The following TRPV4 variants were observed in gnomAD, a reference collection of about 807,000 sequenced individuals.
TRPV4 encodes the protein OSM9-like transient receptor potential channel 4.
A neutral mutation model predicts 84.1 loss-of-function variants in TRPV4; 58 were observed. The observed-to-expected ratio is 0.69, with a 90% CI of 0.56 to 0.86. The LOEUF (loss-of-function observed/expected upper bound fraction) is 0.86, where lower values mean the gene tolerates loss of function less well. Among genes scored for constraint, TRPV4 ranks in the 40% least tolerant of loss-of-function variants. The pLI is 0.00. For synonymous variants in TRPV4, 489 were observed against 500.9 expected, an observed-to-expected ratio of 0.98 and a Z score of 0.32; for missense variants, 879 against 1,181.1, an observed-to-expected ratio of 0.74 and a Z score of 3.75.
intron 12 of TRPV4, among the ~76,000 whole-genome samples, chr12:109,790,749 C>T (rs565463172): frequency 6.6e-6 from 1 of 152,078 alleles, no homozygotes; most frequent in Admixed American, 6.5e-5. Context: ...AAAGAAGTGG[C>T]GTCTATTTCC....
chr12:109,799,945 TA>T (rs1209664885), intron 5 of TRPV4, among the ~76,000 whole-genome samples: 3 of 151,526 alleles, frequency 2.0e-5, no homozygotes, highest in Admixed American at 6.6e-5. Flanking sequence ...TTTATTTATT[TA>T]TTTATTTATT....
In TRPV4 at chr12:109,787,103, G is replaced by C. The variant is rs1311606602; in HGVS notation, c.2209-266C>G. On this transcript the variant is annotated intron_variant, in intron 13 of 15. Transcript: ENST00000261740. ...AGCAGTTGCCTCTCAGTGAGGGAGG[G>C]GTAGAGACTGGGGAGAACAGGGAGC... is the stretch of plus-strand genomic sequence containing the variant. Among the ~76,000 whole-genome samples, 6 of 152,158 alleles carry C rather than the reference G, an allele frequency of 3.9e-5. No homozygotes were observed. The East Asian group carries it at 1.2e-3, about 29-fold the overall frequency.
chr12:109,812,785 T>C (rs992058546), intron 2 of TRPV4, among the ~76,000 whole-genome samples: 51 of 152,168 alleles, frequency 3.4e-4, no homozygotes, highest in African/African-American at 1.2e-3. Flanking sequence ...GGTGAGAAGA[T>C]GAAATGACAT....
intron 12 of TRPV4, among the ~76,000 whole-genome samples, chr12:109,789,130 G>A (rs1160896545): frequency 1.3e-5 from 2 of 152,100 alleles, no homozygotes; most frequent in African/African-American, 4.8e-5. Context: ...CTGCTACCGG[G>A]AGGGAAAAGG....
rs769287059 is a variant in TRPV4, at chr12:109,796,522, C to T, written c.1332+3G>A. On this transcript the variant is annotated splice_donor_region_variant and intron_variant, in intron 7 of 15. Transcript: ENST00000261740. This position sits in a 1 kb window ranked among gnomAD's most constrained non-coding sequence, Gnocchi z 4.2. ...ACACCCCATGCCCCCTCCTGGAGCC[C>T]ACCTCAATCTTGCTGTTGTACACCA... is the stretch of plus-strand genomic sequence containing the variant. 1 of 1,614,072 alleles carries T rather than the reference C, an allele frequency of 6.2e-7. No homozygotes were observed. The highest frequency in any genetic ancestry group is 1.1e-5 in the South Asian group (1 of 91,074).
In TRPV4 at chr12:109,798,250, G is replaced by A. The variant is rs1890535094; in HGVS notation, c.1152+364C>T. Among the ~76,000 whole-genome samples the A allele has an allele frequency of 6.6e-6, 1 of 152,162 alleles. No individual in the cohort carries two copies. The highest frequency in any genetic ancestry group is 2.1e-4 in the South Asian group (1 of 4,830). On this transcript the variant is annotated intron_variant, in intron 6 of 15. Coordinates refer to ENST00000261740, the MANE Select transcript of TRPV4 (RefSeq NM_021625.5). The surrounding 1 kb of genome is among the most constrained non-coding windows in gnomAD (Gnocchi z 5.0). ...GAAACCCTTCTCCAGGCCCCATGCT[G>A]CGCGGCCCAGAAAAGGGAAGGAACT...
In TRPV4 at chr12:109,814,480, G is replaced by T. The variant is rs141863643; in HGVS notation, c.317C>A (p.Ser106Ter). The T allele has an allele frequency of 1.9e-6, 3 of 1,614,024 alleles. No homozygotes were observed. In the African/African-American group the frequency reaches 4.0e-5, roughly 22 times the overall value. Reference protein sequence around the residue: ...VPGPKKAPMDSLFDYGTYRHH... With the variant: ...VPGPKKAPMD ...ACGATAGGTGCCGTAGTCAAACAGT[G>T]AGTCCATGGGTGCTTTCTTGGGCCC... The change falls in exon 2 of 16, where the codon TCA (serine) becomes TAA (stop). Residue 106 changes from serine (S) to a stop codon, truncating the protein, a stop_gained. Transcript: ENST00000261740. LOFTEE classifies it high-confidence loss of function. The surrounding 1 kb of genome is among the most constrained non-coding windows in gnomAD (Gnocchi z 5.4).
chr12:109,805,512 TAA>T (rs1030321605), intron 3 of TRPV4, among the ~76,000 whole-genome samples: 11 of 152,274 alleles, frequency 7.2e-5, no homozygotes, highest in Admixed American at 6.5e-4. Context: ...CCAGGGGCTC[TAA>T]ATTGACAATT....
rs933730321 is a variant in TRPV4, at chr12:109,815,901, C to T, written c.-31-1074G>A. On this transcript the variant is annotated intron_variant, in intron 1 of 15. Coordinates refer to ENST00000261740, the MANE Select transcript of TRPV4 (RefSeq NM_021625.5). The surrounding 1 kb of genome is among the most constrained non-coding windows in gnomAD (Gnocchi z 4.1). ...GTCTCTCTGGCTCCCGGGTCCAGTG[C>T]TTAGCCAGGAGCCAGGGCAAGGGAG... Among the ~76,000 whole-genome samples, 1 of 152,258 alleles carries T rather than the reference C, an allele frequency of 6.6e-6. No homozygotes were observed. Among genetic ancestry groups the T allele is most frequent in the African/African-American group, 2.4e-5 (1 of 41,472 alleles).
intron 7 of TRPV4, 81 bp from the exon 8 acceptor site, chr12:109,794,568 C>T: frequency 6.9e-7 from 1 of 1,448,980 alleles, no homozygotes; most frequent in Non-Finnish European, 9.6e-7. Flanking sequence ...TGTGCCTTCC[C>T]CCACCCTCCA....
Position 109,783,806 on chromosome 12 carries a change from G to T in TRPV4, c.2459-28C>A, listed in dbSNP as rs779763687. 2 of 1,608,020 alleles carry T rather than the reference G, an allele frequency of 1.2e-6. No homozygotes were observed. Among genetic ancestry groups the T allele is most frequent in the African/African-American group, 2.7e-5 (2 of 74,700 alleles). On this transcript the variant is annotated intron_variant, in intron 15 of 15. Coordinates refer to ENST00000261740, the MANE Select transcript of TRPV4 (RefSeq NM_021625.5). This position sits in a 1 kb window ranked among gnomAD's most constrained non-coding sequence, Gnocchi z 4.6. ...GCACCGAGAGCACATCAGAGGGAGG[G>T]GTGGGGGTTGGTGGAGAGAGAGCGT... is the stretch of plus-strand genomic sequence containing the variant.
intron 1 of TRPV4, among the ~76,000 whole-genome samples, chr12:109,817,322 C>G (rs76067239): frequency 0.041 from 6,186 of 152,204 alleles, 187 homozygotes; most frequent in African/African-American, 0.077. Context: ...TCAGGCGCAC[C>G]CTCTGTGTTT....
intron 1 of TRPV4, among the ~76,000 whole-genome samples, chr12:109,832,931 G>C (rs1892454965): frequency 6.6e-6 from 1 of 151,952 alleles, no homozygotes; most frequent in Non-Finnish European, 1.5e-5. Context: ...AGAAGCCTTT[G>C]GAAGCTCCAG....
intron 1 of TRPV4, among the ~76,000 whole-genome samples, chr12:109,826,553 T>C (rs1892256759): frequency 6.6e-6 from 1 of 152,206 alleles, no homozygotes; most frequent in Admixed American, 6.5e-5. Flanking sequence ...TTTAACTGAG[T>C]CCACAACGCT....
In TRPV4 at chr12:109,815,698, C is replaced by T. The variant is rs74827770; in HGVS notation, c.-31-871G>A. 5.5e-4 allele frequency among the ~76,000 whole-genome samples: 84 copies of T among 152,342 alleles called. No homozygotes were observed. Among genetic ancestry groups the T allele is most frequent in the African/African-American group, 1.9e-3 (81 of 41,576 alleles). On this transcript the variant is annotated intron_variant, in intron 1 of 15. Transcript: ENST00000261740. This position sits in a 1 kb window ranked among gnomAD's most constrained non-coding sequence, Gnocchi z 4.1. ...TATCCCAGCTGTTCACGGGATGGTT[C>T]GTTCCCAGGCTGTGGGTGCCAGGAG...
rs947991520 is a variant in TRPV4 at position 109,798,198 on chromosome 12, C to T, written c.1152+416G>A. On this transcript the variant is annotated intron_variant, in intron 6 of 15. Coordinates refer to ENST00000261740, the MANE Select transcript of TRPV4 (RefSeq NM_021625.5). This position sits in a 1 kb window ranked among gnomAD's most constrained non-coding sequence, Gnocchi z 5.0. ...ACGGTCCCCACCACAAAGAGCCTGC[C>T]GCCCAAAATAATCATGCTGAAGTTG... Among the ~76,000 whole-genome samples the T allele has an allele frequency of 3.9e-5, 6 of 152,168 alleles. No homozygotes were observed. The highest frequency in any genetic ancestry group is 8.8e-5 in the Non-Finnish European group (6 of 68,038).
intron 3 of TRPV4, among the ~76,000 whole-genome samples, chr12:109,803,847 G>GGACT (rs1565875548): frequency 6.6e-6 from 1 of 152,186 alleles, no homozygotes; most frequent in Non-Finnish European, 1.5e-5. Context: ...CCTTACTACA[G>GGACT]GACTTCTCAG....
At chr12:109,822,477 G>A (rs1012875086) in intron 1 of TRPV4, among the ~76,000 whole-genome samples, 5 of 152,176 alleles carry the variant, frequency 3.3e-5, no homozygotes, top group Non-Finnish European at 5.9e-5. Context: ...GAAAATCCCA[G>A]ACCTGTCCAC....
chr12:109,823,142 C>A (rs549534366), intron 1 of TRPV4, among the ~76,000 whole-genome samples: 1 of 152,292 alleles, frequency 6.6e-6, no homozygotes, highest in Admixed American at 6.5e-5. Flanking sequence ...ACTTGGCAGG[C>A]GGCAGCAGTA....
Sources: gnomAD v4.1 joint callset for allele counts (sites outside exome capture counted in the v4.1 genomes callset) on GRCh38, gnomAD v4.1.1 for gene constraint, Gnocchi (gnomAD v3.1) non-coding constraint, MANE v1.5 for transcripts, NCBI Gene and HGNC (gene_info 2026-07-23, HGNC 2026-07-21) for gene names.